The following PROX2 variants were observed in gnomAD, a reference collection of about 807,000 sequenced individuals.
PROX2 encodes prospero homeobox 2.
PROX2 carries 46 observed loss-of-function variants against 48.9 expected under a neutral mutation model. The observed-to-expected ratio is 0.94, with a 90% CI of 0.74 to 1.20. The LOEUF (loss-of-function observed/expected upper bound fraction) is 1.20, where lower values mean the gene tolerates loss of function less well. Among genes scored for constraint, PROX2 ranks in the 50% most tolerant of loss-of-function variants. The pLI, the probability that PROX2 is intolerant of heterozygous loss-of-function variation, is 0.00. For synonymous variants in PROX2, 260 were observed against 276.6 expected (o/e 0.94, Z 0.60); for missense variants, 663 against 719.4 (o/e 0.92, Z 0.90).
chr14:74,856,689 G>A, intron 5 of PROX2, 112 bp downstream of exon 5: 1 of 884,572 alleles, frequency 1.1e-6, no homozygotes, highest in Non-Finnish European at 1.7e-6. Flanking sequence ...GGCCCAGGCT[G>A]CCCTGGCTCT....
chr14:74,873,248 G>C (rs753348810), intron 1 of PROX2, among the ~76,000 whole-genome samples: 3 of 152,170 alleles, frequency 2.0e-5, no homozygotes, highest in Non-Finnish European at 4.4e-5. Context: ...CTCCCAAAAT[G>C]CTGGAATTAC....
At chr14:74,870,263 C>CAA (rs11388832) in intron 2 of PROX2, among the ~76,000 whole-genome samples, 18 of 146,738 alleles carry the variant, frequency 1.2e-4, no homozygotes, top group African/African-American at 2.5e-4. Context: ...CCTGTTTCTC[C>CAA]AAAAAAAAAA....
intron 1 of PROX2, among the ~76,000 whole-genome samples, chr14:74,875,229 T>A (rs1883311705): frequency 6.6e-6 from 1 of 152,216 alleles, no homozygotes; most frequent in Non-Finnish European, 1.5e-5. Flanking sequence ...AATATGCAAA[T>A]AAGTTTAGCT....
chr14:74,870,937 G>A (rs936596833), intron 2 of PROX2, among the ~76,000 whole-genome samples, 166 bp downstream of exon 2: 3 of 152,204 alleles, frequency 2.0e-5, no homozygotes. Context: ...AGCTACTTGG[G>A]AGGCTGAGGC....
At chr14:74,860,693 G>A (rs1391008631) in intron 3 of PROX2, among the ~76,000 whole-genome samples, 1 of 152,200 alleles carries the variant, frequency 6.6e-6, no homozygotes, top group African/African-American at 2.4e-5. Flanking sequence ...TGAGGGGCCA[G>A]GGTGCTGCTA....
intron 1 of PROX2, chr14:74,874,165 G>A: frequency 2.0e-6 from 1 of 493,508 alleles, no homozygotes; most frequent in Non-Finnish European, 4.1e-6. Flanking sequence ...AATCCTCAGA[G>A]AACATGTTGA....
rs990830347 is a variant in PROX2 at position 74,875,939 on chromosome 14, C to T, written c.-354G>A. Among the ~76,000 whole-genome samples, 1 of 152,194 alleles carries T rather than the reference C, an allele frequency of 6.6e-6. No individual in the cohort carries two copies. Among genetic ancestry groups the T allele is most frequent in the Non-Finnish European group, 1.5e-5 (1 of 68,030 alleles). ...AGGTCCTTGTCTTGGGCTCTGTGGCCAGGTGGGGCCAACCACTCTAGAAGA... is the reference window on the plus strand; with the variant it reads ...AGGTCCTTGTCTTGGGCTCTGTGGCTAGGTGGGGCCAACCACTCTAGAAGA... On this transcript the variant is annotated 5_prime_UTR_variant, in exon 1 of 6. Coordinates refer to ENST00000556489, the MANE Select transcript of PROX2 (RefSeq NM_001243007.2).
intron 3 of PROX2, among the ~76,000 whole-genome samples, chr14:74,860,410 T>C (rs1307328028): frequency 6.6e-6 from 1 of 151,718 alleles, no homozygotes; most frequent in Admixed American, 6.6e-5. Context: ...GGGGGGAAAA[T>C]CATAGGGCCT....
In PROX2 at chr14:74,863,871, CCTTATTTCCTCAG is replaced by C; in HGVS notation, c.-50_-38del. 6.9e-7 allele frequency: 1 copy of C among 1,450,674 alleles called. No homozygotes were observed. The highest frequency in any genetic ancestry group is 9.0e-7 in the Non-Finnish European group (1 of 1,109,312). 89.9% of individuals were successfully genotyped at this position (1,450,674 alleles called of 1,614,324 possible). A position where few individuals can be genotyped will look rare whatever the true frequency, so the allele number is the denominator to read the frequency against. ...GTTCAGGGCTTCAGGAATTCCTCCTCCTTATTTCCTCAGCTGGAAGTGCACCCAGAATGCGCTG... is the reference window on the plus strand; with the variant it reads ...GTTCAGGGCTTCAGGAATTCCTCCTCCTGGAAGTGCACCCAGAATGCGCTG... On this transcript the variant is annotated 5_prime_UTR_variant, in exon 3 of 6. Transcript: ENST00000556489.
chr14:74,857,470 T>TCAAC, intron 4 of PROX2: 1 of 154,586 alleles, frequency 6.5e-6, no homozygotes, highest in South Asian at 2.0e-4. Flanking sequence ...GCTTCAGGGA[T>TCAAC]CAACCAACCA....
At chr14:74,856,649 G>T in intron 5 of PROX2, 152 bp downstream of exon 5, 1 of 630,302 alleles carries the variant, frequency 1.6e-6, no homozygotes, top group Non-Finnish European at 2.7e-6. Flanking sequence ...AGATGTTGAG[G>T]CTGTAATCTT....
At chr14:74,864,818 G>A (rs2091830478) in intron 2 of PROX2, among the ~76,000 whole-genome samples, 1 of 150,234 alleles carries the variant, frequency 6.7e-6, no homozygotes, top group Non-Finnish European at 1.5e-5. Flanking sequence ...CTCCAGCCTG[G>A]GTGACAGAGC....
intron 2 of PROX2, among the ~76,000 whole-genome samples, chr14:74,865,863 A>G (rs1216135788): frequency 6.6e-6 from 1 of 152,112 alleles, no homozygotes; most frequent in Non-Finnish European, 1.5e-5. Context: ...TTAAACTGGC[A>G]GAACTGATAT....
chr14:74,869,447 T>A (rs1182543860), intron 2 of PROX2, among the ~76,000 whole-genome samples: 2 of 152,026 alleles, frequency 1.3e-5, no homozygotes, highest in African/African-American at 2.4e-5. Flanking sequence ...CCCGGCTAAT[T>A]TTGTATTTTT....
intron 2 of PROX2, among the ~76,000 whole-genome samples, chr14:74,866,221 G>A (rs1248432811): frequency 1.3e-5 from 2 of 152,172 alleles, no homozygotes; most frequent in Non-Finnish European, 2.9e-5. Flanking sequence ...TCACACCACT[G>A]CACTCCAGCC....
At position 74,867,286 on chromosome 14, in the gene PROX2, A is replaced by G. The variant is rs575112334; in HGVS notation, c.-174-3278T>C. Among the ~76,000 whole-genome samples the G allele has an allele frequency of 2.0e-5, 3 of 152,310 alleles. No homozygotes were observed. The South Asian group carries it at 6.2e-4, about 32-fold the overall frequency. ...CTACCCTCAACAATTGCCTGTGTCC[A>G]GCTGTCCTGGACTTTGTGTTCACTG... is the stretch of plus-strand genomic sequence containing the variant. On this transcript the variant is annotated intron_variant, in intron 2 of 5. Transcript: ENST00000556489.
intron 4 of PROX2, chr14:74,858,102 A>G: frequency 4.2e-6 from 1 of 237,220 alleles, no homozygotes; most frequent in Non-Finnish European, 8.2e-6. Flanking sequence ...AAGGCAGAAA[A>G]CTAGCCAAAA....
chr14:74,868,313 T>TTATA (rs4026383), intron 2 of PROX2, among the ~76,000 whole-genome samples: 775 of 53,676 alleles, frequency 0.014, 14 homozygotes, highest in Admixed American at 0.02. Flanking sequence ...TTTCTCGTAA[T>TTATA]TATATATATA....
At chr14:74,874,668 G>T (rs1883296462) in intron 1 of PROX2, among the ~76,000 whole-genome samples, 2 of 152,112 alleles carry the variant, frequency 1.3e-5, no homozygotes, top group African/African-American at 4.8e-5. Flanking sequence ...ATAAAAATTG[G>T]TTTACTAAAA....
Sources: allele counts gnomAD v4.1 joint callset (sites outside exome capture counted in the v4.1 genomes callset), GRCh38; gene constraint gnomAD v4.1.1; transcripts MANE v1.5; gene names NCBI Gene and HGNC (gene_info 2026-07-23, HGNC 2026-07-21).